ERBB2: variants seen among roughly 807,000 people sequenced by gnomAD.
ERBB2 encodes the protein receptor tyrosine-protein kinase erbB-2.
Under a neutral mutation model 149.0 loss-of-function variants are expected in ERBB2, and 61 were observed. That is an observed-to-expected ratio of 0.41 (90% confidence interval 0.33 to 0.51). The LOEUF (loss-of-function observed/expected upper bound fraction) is 0.51. Ranked by LOEUF, ERBB2 falls within the 20% of genes least tolerant of loss-of-function variation. ERBB2 has a pLI of 0.25. For missense variants in ERBB2, 1,205 were observed against 1,655.1 expected, an observed-to-expected ratio of 0.73 and a Z score of 4.72; for synonymous variants, 633 against 678.8, an observed-to-expected ratio of 0.93 and a Z score of 1.05.
At chr17:39,699,792 G>A (rs4252598), upstream of ERBB2, among the ~76,000 whole-genome samples, 459 of 152,344 alleles carry the variant, frequency 3.0e-3, 1 homozygote, top group African/African-American at 0.01. Context: ...GGAGGGGGCA[G>A]AGTCACCAGC....
At chr17:39,717,163 G>A in intron 14 of ERBB2, 157 bp from the exon 15 acceptor site, 1 of 577,756 alleles carries the variant, frequency 1.7e-6, no homozygotes, top group East Asian at 3.0e-5. Context: ...GGGCCACAGA[G>A]ACTGGGTGAA....
At chr17:39,709,554 G>A (rs1045843242) in intron 4 of ERBB2, 102 bp downstream of exon 4, 41 of 1,376,836 alleles carry the variant, frequency 3.0e-5, no homozygotes, top group African/African-American at 1.0e-4. Flanking sequence ...TGCCCCAGCC[G>A]CCTACACCAC....
chr17:39,728,064 A>G lies in ERBB2; in HGVS notation c.*20A>G, dbSNP rs1228882020. The G allele has an allele frequency of 2.0e-6, 3 of 1,532,102 alleles. No individual in the cohort carries two copies. The highest frequency in any genetic ancestry group is 2.7e-6 in the Non-Finnish European group (3 of 1,131,096). The allele number at this position is 1,532,102 out of a possible 1,614,324, so 94.9% of individuals were successfully genotyped here. ...GTGTGAACCAGAAGGCCAAGTCCGC[A>G]GAAGCCCTGATGTGTCCTCAGGGAG... On this transcript the variant is annotated 3_prime_UTR_variant, in exon 27 of 27. Transcript: ENST00000269571.
rs1597860586 is a variant in ERBB2 at position 39,707,478 on chromosome 17, A to G, written c.225+337A>G. On this transcript the variant is annotated intron_variant, in intron 2 of 26. Transcript: ENST00000269571. ...TACAGCAGAAGAAAGGGCTGGTGAG[A>G]AAGGTGGATTACAGGCCCACTTCTG... is the stretch of plus-strand genomic sequence containing the variant. 4 of 233,870 alleles carry G rather than the reference A, an allele frequency of 1.7e-5. No individual in the cohort carries two copies. In the East Asian group the frequency reaches 3.2e-4, roughly 19 times the overall value. The allele number at this position is 233,870 out of a possible 1,614,324, so 14.5% of individuals were successfully genotyped here. A position where few individuals can be genotyped will look rare whatever the true frequency, so the allele number is the denominator to read the frequency against.
intron 16 of ERBB2, among the ~76,000 whole-genome samples, chr17:39,721,670 G>C (rs1446527752): frequency 6.6e-6 from 1 of 152,174 alleles, no homozygotes; most frequent in African/African-American, 2.4e-5. Context: ...ATCATGACCT[G>C]TGGGTGGAAA....
At chr17:39,701,995 T>C (rs1460979802) in intron 1 of ERBB2, among the ~76,000 whole-genome samples, 5 of 152,304 alleles carry the variant, frequency 3.3e-5, no homozygotes, top group East Asian at 3.9e-4. Context: ...TGGCAGTTGC[T>C]GCAGAGCTGG....
At chr17:39,695,757 A>ACACACACACACACC (rs1197572966), upstream of ERBB2, among the ~76,000 whole-genome samples, 1 of 142,468 alleles carries the variant, frequency 7.0e-6, no homozygotes, top group African/African-American at 2.6e-5. Context: ...ACACACACAC[A>ACACACACACACACC]CGTCTCCTGT....
rs1489136463 is a variant in ERBB2, at chr17:39,709,312, C to T, written c.440-6C>T. The stretch of plus-strand genomic sequence containing the variant: ...AAGGGTCCTCTGATCATTGCTCACC[C>T]CACAGAGATCTTGAAAGGAGGGGTC... On this transcript the variant is annotated splice_polypyrimidine_tract_variant and splice_region_variant and intron_variant, in intron 3 of 26. Coordinates refer to ENST00000269571, the MANE Select transcript of ERBB2 (RefSeq NM_004448.4). The T allele has an allele frequency of 6.2e-7, 1 of 1,614,108 alleles. No individual in the cohort carries two copies. Among genetic ancestry groups the T allele is most frequent in the Admixed American group, 1.7e-5 (1 of 60,010 alleles).
chr17:39,705,840 G>A (rs35517009), intron 1 of ERBB2, among the ~76,000 whole-genome samples: 3 of 152,070 alleles, frequency 2.0e-5, no homozygotes, highest in East Asian at 1.9e-4. Flanking sequence ...CATGTAGCCT[G>A]TGGGAGGCGG....
Position 39,715,651 on chromosome 17 carries a change from G to A in ERBB2, c.1314-89G>A, listed in dbSNP as rs115014726. 3.4e-4 allele frequency: 532 copies of A among 1,562,398 alleles called. 5 individuals are homozygous for A. In the African/African-American group the frequency reaches 6.4e-3, roughly 19 times the overall value. ...AGCAGTAACCTTTCCATGAAAGTCT[G>A]CAGAGTGTGCTGGGGATGGAGGAAG... On this transcript the variant is annotated intron_variant, in intron 11 of 26. Coordinates refer to ENST00000269571, the MANE Select transcript of ERBB2 (RefSeq NM_004448.4).
chr17:39,694,226 A>ATATATATATATATATATATATGTGTGT (rs1567887836), upstream of ERBB2, among the ~76,000 whole-genome samples: 3 of 18,534 alleles, frequency 1.6e-4, no homozygotes, highest in African/African-American at 5.7e-4. Flanking sequence ...AAAAAAAAAA[A>ATATATATATATATATATATATGTGTGT]ATATATATAT....
Position 39,727,056 on chromosome 17 carries a change from G to A in ERBB2, c.3159+53G>A, listed in dbSNP as rs1323314038. The A allele has an allele frequency of 8.3e-6, 12 of 1,451,566 alleles. No individual in the cohort carries two copies. Among genetic ancestry groups the A allele is most frequent in the East Asian group, 2.3e-5 (1 of 43,824 alleles). The allele number at this position is 1,451,566 out of a possible 1,614,324, so 89.9% of individuals were successfully genotyped here. On this transcript the variant is annotated intron_variant, in intron 25 of 26. Transcript: ENST00000269571. The surrounding 1 kb of genome is among the most constrained non-coding windows in gnomAD (Gnocchi z 4.3). ...CTGTCTGCTTACCTCCCCCAACCCC[G>A]GTGGACTAGGGTCCCTTTCTCTGAT... is the stretch of plus-strand genomic sequence containing the variant.
At chr17:39,699,597 A>T, upstream of ERBB2, 1 of 1,420,492 alleles carries the variant, frequency 7.0e-7, no homozygotes, top group Non-Finnish European at 9.6e-7. Flanking sequence ...GGTAAACACA[A>T]CACATCCCCC....
chr17:39,721,643 A>G (rs2059459278), intron 16 of ERBB2, among the ~76,000 whole-genome samples: 1 of 152,156 alleles, frequency 6.6e-6, no homozygotes, highest in Non-Finnish European at 1.5e-5. Context: ...CTATGCAAAC[A>G]CTGGGAGGTG....
In ERBB2 at chr17:39,700,170, C is replaced by A. The variant is rs2057998393; in HGVS notation, c.-69C>A. 1 of 1,343,862 alleles carries A rather than the reference C, an allele frequency of 7.4e-7. No individual in the cohort carries two copies. Among genetic ancestry groups the A allele is most frequent in the South Asian group, 2.0e-5 (1 of 50,868 alleles). The allele number at this position is 1,343,862 out of a possible 1,614,324, so 83.2% of individuals were successfully genotyped here. ...CGCGCCCGGCCCCCACCCCTCGCAGCACCCCGCGCCCCGCGCCCTCCCAGC... is the reference window on the plus strand; with the variant it reads ...CGCGCCCGGCCCCCACCCCTCGCAGAACCCCGCGCCCCGCGCCCTCCCAGC... On this transcript the variant is annotated 5_prime_UTR_variant, in exon 1 of 27. Transcript: ENST00000269571.
chr17:39,725,922 G>T lies in ERBB2; in HGVS notation c.2872+69G>T. On this transcript the variant is annotated intron_variant, in intron 23 of 26. Transcript: ENST00000269571. This position sits in a 1 kb window ranked among gnomAD's most constrained non-coding sequence, Gnocchi z 4.6. ...GTCCTGGGTGGAGGAGCCCACAAGG[G>T]GCATGAAAGGGGACCAGGATGTATG... The T allele has an allele frequency of 6.5e-7, 1 of 1,536,198 alleles. No homozygotes were observed. The highest frequency in any genetic ancestry group is 8.9e-7 in the Non-Finnish European group (1 of 1,120,892).
rs1204570035 is a variant in ERBB2 at position 39,725,818 on chromosome 17, T to G, written c.2837T>G (p.Ile946Ser). ...EKGERLPQPP[I>S]CTIDVYMIMV... ...GGGGAGCGGCTGCCCCAGCCCCCCA[T>G]CTGCACCATTGATGTCTACATGATC... Residue 946 changes from isoleucine to serine, a missense_variant, in exon 23 of 27, where the codon ATC becomes AGC. Physicochemically the swap from Ile to Ser is moderately radical, Grantham distance 142. Coordinates refer to ENST00000269571, the MANE Select transcript of ERBB2 (RefSeq NM_004448.4). The surrounding 1 kb of genome is among the most constrained non-coding windows in gnomAD (Gnocchi z 4.6). 1.9e-6 allele frequency: 3 copies of G among 1,613,808 alleles called. No homozygotes were observed. In the African/African-American group the frequency reaches 4.0e-5, roughly 22 times the overall value.
intron 7 of ERBB2, among the ~76,000 whole-genome samples, chr17:39,711,392 A>G (rs945102766): frequency 2.0e-5 from 3 of 152,054 alleles, no homozygotes; most frequent in Non-Finnish European, 4.4e-5. Flanking sequence ...GAGTTTCACT[A>G]TGTTGGCCAA....
chr17:39,726,509 G>T lies in ERBB2; in HGVS notation c.2873-53G>T, dbSNP rs2143120419. 6.8e-7 allele frequency: 1 copy of T among 1,469,632 alleles called. No homozygotes were observed. Among genetic ancestry groups the T allele is most frequent in the Non-Finnish European group, 9.5e-7 (1 of 1,050,330 alleles). 91.0% of individuals were successfully genotyped at this position (1,469,632 alleles called of 1,614,324 possible). A position where few individuals can be genotyped will look rare whatever the true frequency, so the allele number is the denominator to read the frequency against. Reference sequence around the variant, plus strand: ...CTGGAGGGGGAGTGGGAGGGGAGAGGCAGCAAGCACACAGGGCCTGGGACT... The same window carrying T: ...CTGGAGGGGGAGTGGGAGGGGAGAGTCAGCAAGCACACAGGGCCTGGGACT... On this transcript the variant is annotated intron_variant, in intron 23 of 26. Coordinates refer to ENST00000269571, the MANE Select transcript of ERBB2 (RefSeq NM_004448.4). The surrounding 1 kb of genome is among the most constrained non-coding windows in gnomAD (Gnocchi z 5.1).
Sources: gnomAD v4.1 joint callset for allele counts (sites outside exome capture counted in the v4.1 genomes callset) on GRCh38, gnomAD v4.1.1 for gene constraint, Gnocchi (gnomAD v3.1) non-coding constraint, MANE v1.5 for transcripts, NCBI Gene and HGNC (gene_info 2026-07-23, HGNC 2026-07-21) for gene names.